The following RXYLT1 variants were observed in gnomAD, a reference collection of about 807,000 sequenced individuals.
RXYLT1 encodes ribitol xylosyltransferase 1.
A neutral mutation model predicts 43.5 loss-of-function variants in RXYLT1; 41 were observed. The ratio of observed to expected loss-of-function variants is 0.94; its 90% confidence interval spans 0.73 to 1.22. RXYLT1 has a LOEUF of 1.22. RXYLT1 is among the 50% of genes most tolerant of loss of function. The probability of loss-of-function intolerance (pLI) is 0.00; values close to 1 mark genes in which losing one functional copy is unlikely to be tolerated. For missense variants in RXYLT1, 514 were observed against 532.0 expected (o/e 0.97, Z 0.33); for synonymous variants, 166 against 194.4 (o/e 0.85, Z 1.21).
chr12:63,799,855 A>G (rs1214085870), intron 3 of RXYLT1, among the ~76,000 whole-genome samples: 1 of 152,182 alleles, frequency 6.6e-6, no homozygotes, highest in Non-Finnish European at 1.5e-5. Context: ...TATGCTACCA[A>G]TAATAAATAT....
chr12:63,802,335 C>T lies in RXYLT1; in HGVS notation c.673C>T (p.Leu225Phe), dbSNP rs762872834. Residue 225 changes from leucine to phenylalanine, a missense_variant, in exon 4 of 6, where the codon CTT (leucine) becomes TTT (phenylalanine). By Grantham distance (22) the Leu-to-Phe change is conservative (BLOSUM62 0). Transcript: ENST00000261234. ...LKRNGGFVEL[L>F]FIIYDSPWIN... Reference sequence around the variant, plus strand: ...AAGAAATGGAGGCTTCGTGGAGCTGCTTTTCATAATATATGACAGCCCCTG... The same window carrying T: ...AAGAAATGGAGGCTTCGTGGAGCTGTTTTTCATAATATATGACAGCCCCTG... 26 of 1,612,414 alleles carry T rather than the reference C, an allele frequency of 1.6e-5. No homozygotes were observed. Among genetic ancestry groups the T allele is most frequent in the Non-Finnish European group, 2.1e-5 (25 of 1,178,778 alleles).
At chr12:63,800,312 T>C (rs899062591) in intron 3 of RXYLT1, among the ~76,000 whole-genome samples, 6 of 152,218 alleles carry the variant, frequency 3.9e-5, no homozygotes, top group Admixed American at 6.5e-5. Flanking sequence ...AAAGTGCTTA[T>C]GTATCATGTA....
At chr12:63,807,607 C>G (rs1279660773) in intron 5 of RXYLT1, 1 of 152,092 alleles carries the variant, frequency 6.6e-6, no homozygotes, top group Non-Finnish European at 1.5e-5. Flanking sequence ...TCTTATTGCC[C>G]AGGCTGTAGT....
At chr12:63,803,491 C>G in intron 4 of RXYLT1, among the ~76,000 whole-genome samples, 1 of 152,012 alleles carries the variant, frequency 6.6e-6, no homozygotes, top group East Asian at 1.9e-4. Flanking sequence ...ATCATTCTGT[C>G]CCTGGTTGCG....
intron 3 of RXYLT1, among the ~76,000 whole-genome samples, chr12:63,789,772 C>T (rs1354324709): frequency 6.6e-6 from 1 of 152,100 alleles, no homozygotes; most frequent in Non-Finnish European, 1.5e-5. Flanking sequence ...AAGTAGCGTA[C>T]ATAATTTATC....
intron 1 of RXYLT1, 51 bp downstream of exon 1, chr12:63,780,180 T>G (rs1396368924): frequency 7.1e-7 from 1 of 1,404,398 alleles, no homozygotes; most frequent in African/African-American, 1.5e-5. Context: ...TGGCTGGGGC[T>G]GCTGGGCGGC....
chr12:63,779,996 T>C lies in RXYLT1; in HGVS notation c.36T>C (p.Leu12=), dbSNP rs1216188445. 6.2e-7 allele frequency: 1 copy of C among 1,611,442 alleles called. No individual in the cohort carries two copies. The change falls in exon 1 of 6, where the codon CTT becomes CTC. Residue 12 remains leucine, a synonymous_variant. Transcript: ENST00000261234. Reference sequence around the variant, plus strand: ...CGCGGAAGCGGCTCTGCTCGTTTCTTATCGCCCTGTACTGCCTATTCTCCC... The same window carrying C: ...CGCGGAAGCGGCTCTGCTCGTTTCTCATCGCCCTGTACTGCCTATTCTCCC... ...RLTRKRLCSF[L]IALYCLFSLY...
chr12:63,802,182 A>T lies in RXYLT1; in HGVS notation c.520A>T (p.Ile174Phe). ...TTTAAATGGAAGAGAAAAAGCAAAG[A>T]TCTTTTATGCCACCCAGTGGTTACT... ...LILNGREKAK[I>F]FYATQWLLYA... Residue 174 changes from isoleucine (I) to phenylalanine (F), a missense_variant, in exon 4 of 6, where the codon ATC (isoleucine) becomes TTC (phenylalanine). Ile to Phe is a conservative substitution (Grantham distance 21). Transcript: ENST00000261234. The T allele has an allele frequency of 1.2e-6, 2 of 1,614,118 alleles. No homozygotes were observed. The highest frequency in any genetic ancestry group is 1.7e-6 in the Non-Finnish European group (2 of 1,180,010).
In RXYLT1 at chr12:63,780,526, A is replaced by G. The variant is rs1027285409; in HGVS notation, c.169+397A>G. ...TCTAATCCTGCAGTGACCATAAGGC[A>G]GACTTTACCTCCAAATTCTGGTCCC... On this transcript the variant is annotated intron_variant, in intron 1 of 5. Coordinates refer to ENST00000261234, the MANE Select transcript of RXYLT1 (RefSeq NM_014254.3). 1.7e-5 allele frequency: 18 copies of G among 1,037,456 alleles called. No individual in the cohort carries two copies. The African/African-American group carries it at 2.7e-4, about 16-fold the overall frequency. 64.3% of individuals were successfully genotyped at this position (1,037,456 alleles called of 1,614,324 possible).
rs372869214 is a variant in RXYLT1 at position 63,781,080 on chromosome 12, A to G, written c.231A>G (p.Gln77=). ...GGGAAGGAGATGAAAAAAATGAGCA[A>G]CAACACAGATTTAAAACTAGCCTTC... ...NPWEGDEKNE[Q]QHRFKTSLQI... Residue 77 remains glutamine, a synonymous_variant, in exon 2 of 6, where the codon CAA becomes CAG. Coordinates refer to ENST00000261234, the MANE Select transcript of RXYLT1 (RefSeq NM_014254.3). 3.1e-6 allele frequency: 5 copies of G among 1,610,640 alleles called. No homozygotes were observed. The highest frequency in any genetic ancestry group is 1.3e-5 in the African/African-American group (1 of 74,904).
In RXYLT1 at chr12:63,792,526, A is replaced by G. The variant is rs1169559053; in HGVS notation, c.428+7454A>G. Reference sequence around the variant, plus strand: ...GGGTGAGATGGGCTTCCAGCCTGGCAGAGTAAACACTGAGGCCCGCAGTCT... The same window carrying G: ...GGGTGAGATGGGCTTCCAGCCTGGCGGAGTAAACACTGAGGCCCGCAGTCT... On this transcript the variant is annotated intron_variant, in intron 3 of 5. Coordinates refer to ENST00000261234, the MANE Select transcript of RXYLT1 (RefSeq NM_014254.3). Among the ~76,000 whole-genome samples, 3 of 152,230 alleles carry G rather than the reference A, an allele frequency of 2.0e-5. No homozygotes were observed. The East Asian group carries it at 5.8e-4, about 29-fold the overall frequency.
chr12:63,787,205 A>G (rs1289461418), intron 3 of RXYLT1, among the ~76,000 whole-genome samples: 1 of 152,208 alleles, frequency 6.6e-6, no homozygotes, highest in Non-Finnish European at 1.5e-5. Flanking sequence ...CACTTCACCA[A>G]TGTTCACAAC....
chr12:63,805,257 A>T lies in RXYLT1; in HGVS notation c.767A>T (p.Glu256Val), dbSNP rs559883509. The change falls in exon 5 of 6, where the codon GAG becomes GTG. Residue 256 changes from glutamate (E) to valine (V), a missense_variant. Physicochemically the swap from Glu to Val is moderately radical, Grantham distance 121. Coordinates refer to ENST00000261234, the MANE Select transcript of RXYLT1 (RefSeq NM_014254.3). Reference protein sequence around the residue: ...VATYRNFPVVEASWSMLHDER... With the variant: ...VATYRNFPVVVASWSMLHDER... ...AGATACAGGAATTTTCCTGTGGTGG[A>T]GGCAAGTTGGTCAATGCTGCATGAT... The T allele has an allele frequency of 1.2e-6, 2 of 1,601,564 alleles. No individual in the cohort carries two copies. The highest frequency in any genetic ancestry group is 2.3e-5 in the South Asian group (2 of 87,896).
At chr12:63,791,749 C>G (rs1265884075) in intron 3 of RXYLT1, among the ~76,000 whole-genome samples, 5 of 152,206 alleles carry the variant, frequency 3.3e-5, no homozygotes, top group African/African-American at 1.2e-4. Flanking sequence ...AAAGAGCTTA[C>G]TATGCGCCAA....
At chr12:63,791,011 G>T (rs1298022956) in intron 3 of RXYLT1, among the ~76,000 whole-genome samples, 1 of 152,088 alleles carries the variant, frequency 6.6e-6, no homozygotes, top group African/African-American at 2.4e-5. Context: ...CCTACAAGCA[G>T]TTCTCCTTTT....
chr12:63,803,181 CAA>C (rs763579072), intron 4 of RXYLT1, among the ~76,000 whole-genome samples: 855 of 22,156 alleles, frequency 0.039, no homozygotes, highest in African/African-American at 0.079. Flanking sequence ...ACTGTCTCAC[CAA>C]AAAAAAAAAA....
rs1226095554 is a variant in RXYLT1, at chr12:63,779,999, C to T, written c.39C>T (p.Ile13=). 3 of 1,611,566 alleles carry T rather than the reference C, an allele frequency of 1.9e-6. No homozygotes were observed. The highest frequency in any genetic ancestry group is 2.5e-6 in the Non-Finnish European group (3 of 1,179,086). ...GGAAGCGGCTCTGCTCGTTTCTTATCGCCCTGTACTGCCTATTCTCCCTCT... is the reference window on the plus strand; with the variant it reads ...GGAAGCGGCTCTGCTCGTTTCTTATTGCCCTGTACTGCCTATTCTCCCTCT... ...LTRKRLCSFL[I]ALYCLFSLYA... is the part of the protein sequence containing the mutation. The change falls in exon 1 of 6, where the codon ATC becomes ATT. Residue 13 remains isoleucine (I), a synonymous_variant. Transcript: ENST00000261234.
In RXYLT1 at chr12:63,786,147, T is replaced by G. The variant is rs556620548; in HGVS notation, c.428+1075T>G. Among the ~76,000 whole-genome samples, 12 of 152,282 alleles carry G rather than the reference T, an allele frequency of 7.9e-5. 1 individual carries two copies. The highest frequency in any genetic ancestry group is 2.9e-4 in the African/African-American group (12 of 41,568). On this transcript the variant is annotated intron_variant, in intron 3 of 5. Transcript: ENST00000261234. ...ATCTAATATTTTGGTATTTGAAAAGTAAATGTGTGTTAGGAATATTAGTCT... is the reference window on the plus strand; with the variant it reads ...ATCTAATATTTTGGTATTTGAAAAGGAAATGTGTGTTAGGAATATTAGTCT...
intron 5 of RXYLT1, chr12:63,807,050 T>A (rs1898310575): frequency 6.6e-6 from 1 of 152,330 alleles, no homozygotes; most frequent in Non-Finnish European, 1.5e-5. Context: ...CTGCACCTTC[T>A]GAACATGATC....
Sources: allele counts gnomAD v4.1 joint callset (sites outside exome capture counted in the v4.1 genomes callset), GRCh38; gene constraint gnomAD v4.1.1; transcripts MANE v1.5; gene names NCBI Gene and HGNC (gene_info 2026-07-23, HGNC 2026-07-21).